Variants in GNPAT observed in about 807,000 individuals in gnomAD.
The protein encoded by GNPAT is glyceronephosphate O-acyltransferase.
GNPAT carries 30 observed loss-of-function variants against 78.4 expected under a neutral mutation model. The observed-to-expected ratio is 0.38, with a 90% confidence interval of 0.29 to 0.52. The LOEUF is 0.52. Ranked by LOEUF, GNPAT falls within the 20% of genes least tolerant of loss-of-function variation. The pLI, the probability that GNPAT is intolerant of heterozygous loss-of-function variation, is 0.84. For missense variants in GNPAT, 714 were observed against 812.2 expected, an observed-to-expected ratio of 0.88 and a Z score of 1.47; for synonymous variants, 271 against 281.1, an observed-to-expected ratio of 0.96 and a Z score of 0.36.
chr1:231,251,878 C>CT (rs1684908481), intron 2 of GNPAT, among the ~76,000 whole-genome samples: 1 of 152,222 alleles, frequency 6.6e-6, no homozygotes, highest in Non-Finnish European at 1.5e-5. Context: ...CTGGCTTCCC[C>CT]TTAGAATCAC....
At chr1:231,271,767 G>A (rs949182809) in intron 10 of GNPAT, among the ~76,000 whole-genome samples, 4 of 152,170 alleles carry the variant, frequency 2.6e-5, no homozygotes, top group African/African-American at 4.8e-5. Context: ...GTGATGTCTC[G>A]CTGAGTAGAA....
intron 1 of GNPAT, among the ~76,000 whole-genome samples, chr1:231,246,382 C>T (rs2102797002): frequency 6.6e-6 from 1 of 152,344 alleles, no homozygotes; most frequent in East Asian, 1.9e-4. Context: ...GCTCTCAGTG[C>T]AGTCCCTGCC....
At chr1:231,241,927 TAG>T (rs1684623296) in intron 1 of GNPAT, among the ~76,000 whole-genome samples, 1 of 152,270 alleles carries the variant, frequency 6.6e-6, no homozygotes, top group Non-Finnish European at 1.5e-5. Flanking sequence ...TATGTGGGAA[TAG>T]AGTTTTAAAC....
rs140218524 is a variant in GNPAT at position 231,271,125 on chromosome 1, A to AG, written c.1522+126dup. The AG allele has an allele frequency of 3.3e-3, 3,714 of 1,119,278 alleles. 89 individuals are homozygous for AG. In the African/African-American group the frequency reaches 0.05, roughly 15 times the overall value. 69.3% of individuals were successfully genotyped at this position (1,119,278 alleles called of 1,614,324 possible). ...CCGGTGAAGAGCAGGCCTATCACTG[A>AG]GAAAAAGTTAGCTTTGTTCCCCAAA... On this transcript the variant is annotated intron_variant, in intron 10 of 15. Coordinates refer to ENST00000366647, the MANE Select transcript of GNPAT (RefSeq NM_014236.4).
chr1:231,251,181 C>T, intron 2 of GNPAT, 38 bp downstream of exon 2: 1 of 1,239,576 alleles, frequency 8.1e-7, no homozygotes, highest in Non-Finnish European at 1.1e-6. Flanking sequence ...CAGATTTGTT[C>T]ATTGTCAACA....
chr1:231,274,736 C>T (rs1002536847), intron 12 of GNPAT, among the ~76,000 whole-genome samples: 11 of 152,112 alleles, frequency 7.2e-5, no homozygotes, highest in Admixed American at 2.6e-4. Context: ...GCTTGTGGTC[C>T]GTGAAATAAC....
intron 3 of GNPAT, 130 bp from the exon 4 acceptor site, chr1:231,262,593 T>C: frequency 1.3e-6 from 1 of 750,482 alleles, no homozygotes; most frequent in Non-Finnish European, 2.3e-6. Flanking sequence ...TTTATGTGTA[T>C]GGCAAAAAGG....
chr1:231,275,446 A>G lies in GNPAT; in HGVS notation c.1885A>G (p.Lys629Glu), dbSNP rs778865796. 2.5e-6 allele frequency: 4 copies of G among 1,612,376 alleles called. No individual in the cohort carries two copies. Among genetic ancestry groups the G allele is most frequent in the Non-Finnish European group, 2.5e-6 (3 of 1,178,474 alleles). Residue 629 changes from lysine (K) to glutamate (E), a missense_variant, in exon 14 of 16, where the codon AAA becomes GAA. Transcript: ENST00000366647. ...TGATGTATTATCTTCTGATGTGCAG[A>G]AAAACGCCTTAGCAGCCTGTGTGAG... ...CYDVLSSDVQ[K>E]NALAACVRLG...
intron 1 of GNPAT, among the ~76,000 whole-genome samples, chr1:231,242,611 C>T (rs563911812): frequency 6.6e-6 from 1 of 152,326 alleles, no homozygotes; most frequent in African/African-American, 2.4e-5. Flanking sequence ...TTTTCTGACT[C>T]TGCTACTCCA....
intron 5 of GNPAT, 63 bp from the exon 6 acceptor site, chr1:231,265,649 G>T: frequency 9.8e-7 from 1 of 1,025,566 alleles, no homozygotes. Context: ...GGAATCAAAA[G>T]AAGCATTTAT....
At chr1:231,264,035 G>T (rs1164682848) in intron 4 of GNPAT, among the ~76,000 whole-genome samples, 2 of 152,044 alleles carry the variant, frequency 1.3e-5, no homozygotes, top group Non-Finnish European at 2.9e-5. Flanking sequence ...CCATTTCATG[G>T]GTTACCTTTT....
At chr1:231,241,525 A>G (rs1053484634) in intron 1 of GNPAT, 69 bp downstream of exon 1, 2 of 1,151,626 alleles carry the variant, frequency 1.7e-6, no homozygotes, top group East Asian at 2.3e-5. Context: ...CCCAGTCCCT[A>G]TTCCTCCGGC....
chr1:231,242,016 C>G (rs947885765), intron 1 of GNPAT, among the ~76,000 whole-genome samples: 4 of 152,208 alleles, frequency 2.6e-5, no homozygotes, highest in Non-Finnish European at 5.9e-5. Flanking sequence ...ACCTTTTCCA[C>G]AAATCATTTT....
intron 14 of GNPAT, among the ~76,000 whole-genome samples, chr1:231,275,832 TA>T (rs1685697741): frequency 6.6e-6 from 1 of 152,214 alleles, no homozygotes; most frequent in Non-Finnish European, 1.5e-5. Flanking sequence ...ACATAATACA[TA>T]TATAGATACA....
At position 231,256,143 on chromosome 1, in the gene GNPAT, A is replaced by G. The variant is rs567089479; in HGVS notation, c.262-4364A>G. On this transcript the variant is annotated intron_variant, in intron 2 of 15. Transcript: ENST00000366647. Reference sequence around the variant, plus strand: ...TGACATCTCCCTATTATAAATAATAACATAATAAGAACATGGATAAATAAT... The same window carrying G: ...TGACATCTCCCTATTATAAATAATAGCATAATAAGAACATGGATAAATAAT... 5.3e-5 allele frequency among the ~76,000 whole-genome samples: 8 copies of G among 152,354 alleles called. No homozygotes were observed. The East Asian group carries it at 1.3e-3, about 26-fold the overall frequency.
In GNPAT at chr1:231,274,026, A is replaced by G; in HGVS notation, c.1707A>G (p.Leu569=). 6.2e-7 allele frequency: 1 copy of G among 1,613,496 alleles called. No homozygotes were observed. The highest frequency in any genetic ancestry group is 8.5e-7 in the Non-Finnish European group (1 of 1,179,388). The change falls in exon 12 of 16, where the codon TTA becomes TTG. Residue 569 remains leucine (L), a synonymous_variant. Transcript: ENST00000366647. ...AAGGAAATACTGTGTTAGAATTTTT[A>G]GTAGGACTCTTTAAACCTTTTGTGG... ...TEKGNTVLEF[L]VGLFKPFVES...
intron 4 of GNPAT, among the ~76,000 whole-genome samples, chr1:231,263,435 A>G (rs547252688): frequency 1.2e-3 from 183 of 152,280 alleles, no homozygotes; most frequent in Non-Finnish European, 5.9e-5. Flanking sequence ...TAGATGCTTG[A>G]TATAGGTGGA....
chr1:231,263,287 G>T (rs1395225783), intron 4 of GNPAT, among the ~76,000 whole-genome samples: 1 of 152,050 alleles, frequency 6.6e-6, no homozygotes, highest in Non-Finnish European at 1.5e-5. Flanking sequence ...ACATTGTTGT[G>T]CTGCTATCAA....
chr1:231,254,027 G>T (rs1684972627), intron 2 of GNPAT, among the ~76,000 whole-genome samples: 2 of 152,246 alleles, frequency 1.3e-5, no homozygotes, highest in African/African-American at 4.8e-5. Context: ...TGGCCAGGCT[G>T]GTCTCAAACT....
Sources: gnomAD v4.1 joint callset for allele counts (sites outside exome capture counted in the v4.1 genomes callset) on GRCh38, gnomAD v4.1.1 for gene constraint, MANE v1.5 for transcripts, NCBI Gene and HGNC (gene_info 2026-07-23, HGNC 2026-07-21) for gene names.